The following PLXNA2 variants were observed in gnomAD, a reference collection of about 807,000 sequenced individuals.
PLXNA2 encodes plexin A2.
PLXNA2 carries 91 observed loss-of-function variants against 193.5 expected under a neutral mutation model. That is an observed-to-expected ratio of 0.47 (90% CI 0.40 to 0.56). The LOEUF (loss-of-function observed/expected upper bound fraction) is 0.56, where lower values mean the gene tolerates loss of function less well. PLXNA2 is among the 20% of genes least tolerant of loss of function. The pLI is 0.00. For synonymous variants in PLXNA2, 997 were observed against 1,027.3 expected (o/e 0.97, Z 0.56); for missense variants, 1,995 against 2,503.2 (o/e 0.80, Z 4.33).
In PLXNA2 at chr1:208,039,630, G is replaced by A; in HGVS notation, c.4491C>T (p.Tyr1497=). 2 of 1,613,888 alleles carry A rather than the reference G, an allele frequency of 1.2e-6. No individual in the cohort carries two copies. Among genetic ancestry groups the A allele is most frequent in the South Asian group, 2.2e-5 (2 of 91,068 alleles). The change falls in exon 24 of 32, where the codon TAC becomes TAT. Residue 1497 remains tyrosine (Y), a synonymous_variant. Coordinates refer to ENST00000367033, the MANE Select transcript of PLXNA2 (RefSeq NM_025179.4). ...EDKLIRQQIE[Y]KTLILNCVNP... ...CTTCCGGCTTCCTCACCAGGGTCTTGTACTCGATCTGCTGCCGGATGAGCT... is the reference window on the plus strand; with the variant it reads ...CTTCCGGCTTCCTCACCAGGGTCTTATACTCGATCTGCTGCCGGATGAGCT...
chr1:208,110,117 G>A (rs554769501), intron 4 of PLXNA2, among the ~76,000 whole-genome samples: 1 of 152,300 alleles, frequency 6.6e-6, no homozygotes, highest in African/African-American at 2.4e-5. Context: ...GTTTGGGGAG[G>A]CCCAGTCCTG....
At chr1:208,150,109 C>G (rs1668714190) in intron 3 of PLXNA2, among the ~76,000 whole-genome samples, 1 of 152,114 alleles carries the variant, frequency 6.6e-6, no homozygotes, top group African/African-American at 2.4e-5. Flanking sequence ...AGAAGGGAAA[C>G]AGGGATAAGG....
intron 11 of PLXNA2, among the ~76,000 whole-genome samples, chr1:208,079,907 T>C (rs945810872): frequency 1.3e-5 from 2 of 152,240 alleles, no homozygotes; most frequent in Non-Finnish European, 2.9e-5. Context: ...TGCTATATTC[T>C]TATGCTGCCA....
chr1:208,136,143 G>T (rs1000673077), intron 4 of PLXNA2, among the ~76,000 whole-genome samples: 5 of 152,166 alleles, frequency 3.3e-5, no homozygotes, highest in Admixed American at 2.6e-4. Flanking sequence ...CTAGCCCCTT[G>T]TCCTTCTAGT....
At position 208,079,573 on chromosome 1, in the gene PLXNA2, T is replaced by C. The variant is rs143243469; in HGVS notation, c.2396-123A>G. On this transcript the variant is annotated intron_variant, in intron 11 of 31. Transcript: ENST00000367033. ...CCACCATGGATAACACCACCAATCATCATTATCATTGCAAGAATGACTGAG... is the reference window on the plus strand; with the variant it reads ...CCACCATGGATAACACCACCAATCACCATTATCATTGCAAGAATGACTGAG... The C allele has an allele frequency of 2.3e-4, 155 of 687,418 alleles. No individual in the cohort carries two copies. In the African/African-American group the frequency reaches 2.5e-3, roughly 11 times the overall value. 42.6% of individuals were successfully genotyped at this position (687,418 alleles called of 1,614,324 possible).
chr1:208,102,691 G>C (rs1217155663), intron 5 of PLXNA2, among the ~76,000 whole-genome samples: 1 of 152,238 alleles, frequency 6.6e-6, no homozygotes, highest in Non-Finnish European at 1.5e-5. Context: ...TGGAGAAACA[G>C]AGGCCTGGAG....
At chr1:208,134,405 C>T (rs776344943) in intron 4 of PLXNA2, among the ~76,000 whole-genome samples, 3 of 152,054 alleles carry the variant, frequency 2.0e-5, no homozygotes, top group East Asian at 1.9e-4. Context: ...GGCAGGACTC[C>T]GCCCTTTCTT....
intron 3 of PLXNA2, among the ~76,000 whole-genome samples, chr1:208,148,457 A>G (rs1412839308): frequency 6.6e-6 from 1 of 152,206 alleles, no homozygotes; most frequent in Non-Finnish European, 1.5e-5. Context: ...GACTTCAGGC[A>G]AGTCATTTCA....
chr1:208,063,650 T>C (rs748322114), intron 12 of PLXNA2, among the ~76,000 whole-genome samples: 6 of 151,942 alleles, frequency 3.9e-5, no homozygotes, highest in African/African-American at 9.7e-5. Flanking sequence ...TTCTATGCAG[T>C]GTACCATGCT....
In PLXNA2 at chr1:208,091,868, C is replaced by CAAAAAA. The variant is rs10655053; in HGVS notation, c.2097+912_2097+917dup. Among the ~76,000 whole-genome samples, 2 of 130,994 alleles carry CAAAAAA rather than the reference C, an allele frequency of 1.5e-5. 1 individual carries two copies. Among genetic ancestry groups the CAAAAAA allele is most frequent in the Non-Finnish European group, 3.2e-5 (2 of 61,884 alleles). 85.9% of individuals were successfully genotyped at this position (130,994 alleles called of 152,430 possible). A position where few individuals can be genotyped will look rare whatever the true frequency, so the allele number is the denominator to read the frequency against. On this transcript the variant is annotated intron_variant, in intron 9 of 31. Coordinates refer to ENST00000367033, the MANE Select transcript of PLXNA2 (RefSeq NM_025179.4). Reference sequence around the variant, plus strand: ...CTGGCGATAGAGCGAGACTTCATATCAAAAAAAAAAAAAAAGACTGTAGTT... The same window carrying CAAAAAA: ...CTGGCGATAGAGCGAGACTTCATATCAAAAAAAAAAAAAAAAAAAAAGACTGTAGTT...
intron 26 of PLXNA2, among the ~76,000 whole-genome samples, chr1:208,037,494 G>C (rs1342730853): frequency 6.6e-6 from 1 of 152,214 alleles, no homozygotes. Flanking sequence ...GGACATGGGA[G>C]GATGTTATTA....
At chr1:208,056,690 G>A (rs1386520972) in intron 13 of PLXNA2, among the ~76,000 whole-genome samples, 1 of 152,156 alleles carries the variant, frequency 6.6e-6, no homozygotes, top group Non-Finnish European at 1.5e-5. Context: ...GTGCAAGGAA[G>A]GGCACCTGTA....
chr1:208,054,421 C>T lies in PLXNA2; in HGVS notation c.2856G>A (p.Val952=). ...ACCTGGCCCTGGACCCAGTACTCAC[C>T]ACGAAGGTGTACTGCTGATGGGACT... is the stretch of plus-strand genomic sequence containing the variant. ...MTKSHQQYTF[V]NPSVLSLNPI... The change falls in exon 14 of 32, where the codon GTG becomes GTA. Residue 952 remains valine (V), a splice_region_variant and synonymous_variant. Coordinates refer to ENST00000367033, the MANE Select transcript of PLXNA2 (RefSeq NM_025179.4). The T allele has an allele frequency of 6.2e-7, 1 of 1,606,938 alleles. No homozygotes were observed. Among genetic ancestry groups the T allele is most frequent in the Non-Finnish European group, 8.5e-7 (1 of 1,173,450 alleles).
chr1:208,110,155 GC>G (rs1229900844), intron 4 of PLXNA2, among the ~76,000 whole-genome samples: 1 of 152,198 alleles, frequency 6.6e-6, no homozygotes, highest in African/African-American at 2.4e-5. Flanking sequence ...ATTCTCTCAG[GC>G]AGAGAAGCCA....
At chr1:208,046,450 G>A (rs1050957975) in intron 17 of PLXNA2, among the ~76,000 whole-genome samples, 8 of 152,256 alleles carry the variant, frequency 5.3e-5, no homozygotes, top group African/African-American at 1.9e-4. Context: ...CTGGAAGAGG[G>A]CCTGGGGCAT....
At chr1:208,159,434 C>T (rs895678166) in intron 3 of PLXNA2, among the ~76,000 whole-genome samples, 4 of 152,218 alleles carry the variant, frequency 2.6e-5, no homozygotes, top group African/African-American at 9.6e-5. Context: ...GGAGCCTATG[C>T]TAAAGTACCA....
At chr1:208,169,355 A>G (rs930289377) in intron 3 of PLXNA2, among the ~76,000 whole-genome samples, 21 of 152,364 alleles carry the variant, frequency 1.4e-4, no homozygotes, top group African/African-American at 4.3e-4. Flanking sequence ...CGGGTCACAC[A>G]TGATCAGCAA....
chr1:208,080,562 A>C (rs1030478824), intron 11 of PLXNA2, among the ~76,000 whole-genome samples: 9 of 152,188 alleles, frequency 5.9e-5, no homozygotes, highest in Non-Finnish European at 1.3e-4. Flanking sequence ...GCCCCAGGGA[A>C]AGGGTAATTT....
Position 208,025,918 on chromosome 1 carries a change from C to T in PLXNA2, c.*1325G>A, listed in dbSNP as rs1664330206. Reference sequence around the variant, plus strand: ...TAACGTGGGCATGCCACAGTCATTTCTACTGAGGAAGTGCTGTAGGCCCAG... The same window carrying T: ...TAACGTGGGCATGCCACAGTCATTTTTACTGAGGAAGTGCTGTAGGCCCAG... On this transcript the variant is annotated 3_prime_UTR_variant, in exon 32 of 32. Transcript: ENST00000367033. The T allele has an allele frequency of 1.3e-5, 2 of 152,634 alleles. No individual in the cohort carries two copies. Among genetic ancestry groups the T allele is most frequent in the Non-Finnish European group, 2.9e-5 (2 of 68,054 alleles). 9.5% of individuals were successfully genotyped at this position (152,634 alleles called of 1,614,324 possible).
Sources: allele counts gnomAD v4.1 joint callset (sites outside exome capture counted in the v4.1 genomes callset), GRCh38; gene constraint gnomAD v4.1.1; transcripts MANE v1.5; gene names NCBI Gene and HGNC (gene_info 2026-07-23, HGNC 2026-07-21).